MTMR14: variants seen among roughly 807,000 people sequenced by gnomAD.
MTMR14 encodes myotubularin related protein 14, also known as phosphatidylinositol-3,5-bisphosphate 3-phosphatase MTMR14.
Under a neutral mutation model 86.3 loss-of-function variants are expected in MTMR14, and 48 were observed. The ratio of observed to expected loss-of-function variants is 0.56; its 90% CI spans 0.44 to 0.71. The LOEUF (loss-of-function observed/expected upper bound fraction) is 0.71. Ranked by LOEUF, MTMR14 falls within the 30% of genes least tolerant of loss-of-function variation. MTMR14 has a pLI of 0.00. For synonymous variants in MTMR14, 366 were observed against 326.1 expected (o/e 1.12, Z -1.32); for missense variants, 780 against 834.6 (o/e 0.93, Z 0.81).
chr3:9,678,101 G>A (rs1267906990), intron 9 of MTMR14, 43 bp downstream of exon 9: 1 of 1,602,424 alleles, frequency 6.2e-7, no homozygotes, highest in Non-Finnish European at 8.5e-7. Flanking sequence ...ATAAGGGAGT[G>A]GTGACCAAGG....
chr3:9,653,359 C>G (rs929363696), intron 1 of MTMR14, among the ~76,000 whole-genome samples: 2 of 152,182 alleles, frequency 1.3e-5, no homozygotes, highest in Non-Finnish European at 2.9e-5. Flanking sequence ...CTAATGAAAG[C>G]TGTAATCGTC....
chr3:9,685,096 C>G, intron 12 of MTMR14, 115 bp from the exon 13 acceptor site: 1 of 1,512,386 alleles, frequency 6.6e-7, no homozygotes. Flanking sequence ...AGCTGCTGAT[C>G]AGGCCCCACC....
At chr3:9,693,451 A>G (rs2076194988) in intron 17 of MTMR14, among the ~76,000 whole-genome samples, 1 of 152,272 alleles carries the variant, frequency 6.6e-6, no homozygotes, top group Non-Finnish European at 1.5e-5. Context: ...AGCTACAGAT[A>G]GCCTGCTGTT....
chr3:9,665,276 T>C (rs558460809), intron 3 of MTMR14, among the ~76,000 whole-genome samples: 4 of 132,824 alleles, frequency 3.0e-5, no homozygotes, highest in Admixed American at 2.4e-4. Context: ...TGTGAGACTG[T>C]CTCAAAAAAA....
At position 9,677,283 on chromosome 3, in the gene MTMR14, A is replaced by C. The variant is rs73811563; in HGVS notation, c.752-34A>C. ...TGTCTCAGAAGACTTTGGGCTGGGA[A>C]GGGAGATGTCATAACTCTGCCCTTC... On this transcript the variant is annotated intron_variant, in intron 7 of 18. Coordinates refer to ENST00000296003, the MANE Select transcript of MTMR14 (RefSeq NM_001077525.3). The surrounding 1 kb of genome is among the most constrained non-coding windows in gnomAD (Gnocchi z 4.2). The C allele has an allele frequency of 7.4e-3, 11,835 of 1,603,102 alleles. 546 individuals carry two copies. The African/African-American group carries it at 0.11, about 15-fold the overall frequency.
chr3:9,687,762 C>G (rs2076008301), intron 13 of MTMR14, 59 bp from the exon 14 acceptor site: 3 of 1,474,278 alleles, frequency 2.0e-6, no homozygotes, highest in Non-Finnish European at 2.8e-6. Context: ...GCCGCCCTCC[C>G]CTGGGAGTTC....
intron 16 of MTMR14, among the ~76,000 whole-genome samples, chr3:9,689,445 G>A (rs1363595373): frequency 6.6e-6 from 1 of 152,198 alleles, no homozygotes; most frequent in Admixed American, 6.5e-5. Flanking sequence ...GTAAGTTGAT[G>A]GGGAATTGGG....
Position 9,684,615 on chromosome 3 carries a change from C to T in MTMR14, c.995C>T (p.Ser332Leu). Residue 332 changes from serine (S) to leucine (L), a missense_variant, in exon 11 of 19, where the codon TCA (serine) becomes TTA (leucine). Coordinates refer to ENST00000296003, the MANE Select transcript of MTMR14 (RefSeq NM_001077525.3). ...AGCGGGCTGCTGGTACACTGTATCT[C>T]AGGCTGGGATCGGACCCCCCTCTTC... ...DDSGLLVHCI[S>L]GWDRTPLFIS... 6.2e-7 allele frequency: 1 copy of T among 1,614,180 alleles called. No homozygotes were observed. The highest frequency in any genetic ancestry group is 1.1e-5 in the South Asian group (1 of 91,082).
Position 9,655,228 on chromosome 3 carries a change from G to A in MTMR14, c.308+1459G>A, listed in dbSNP as rs137951848. On this transcript the variant is annotated intron_variant, in intron 2 of 18. Transcript: ENST00000296003. The stretch of plus-strand genomic sequence containing the variant: ...CTAAAATTACAAAAACTAGCTGGGC[G>A]TGGTGGTGGGCTCCTGTAATCCCAG... Among the ~76,000 whole-genome samples, 800 of 151,928 alleles carry A rather than the reference G, an allele frequency of 5.3e-3. 10 individuals carry two copies. The highest frequency in any genetic ancestry group is 0.018 in the African/African-American group (763 of 41,440).
chr3:9,658,248 GAATAGACTGAATAAAA>G (rs1448974770), intron 2 of MTMR14, among the ~76,000 whole-genome samples: 4 of 152,146 alleles, frequency 2.6e-5, no homozygotes, highest in African/African-American at 9.7e-5. Context: ...GAATTAAACT[GAATAGACTGAATAAAA>G]AATAGACTGA....
intron 3 of MTMR14, among the ~76,000 whole-genome samples, chr3:9,667,099 G>A (rs1449971805): frequency 6.6e-6 from 1 of 152,204 alleles, no homozygotes; most frequent in South Asian, 2.1e-4. Context: ...ACAGAAAAAG[G>A]GTCTCAGAAC....
intron 1 of MTMR14, among the ~76,000 whole-genome samples, chr3:9,651,949 A>C (rs1184638324): frequency 3.3e-5 from 5 of 151,624 alleles, no homozygotes; most frequent in African/African-American, 9.7e-5. Flanking sequence ...CTCCTGCTTC[A>C]GCCTCCCCAG....
chr3:9,677,414 G>A lies in MTMR14; in HGVS notation c.822+27G>A, dbSNP rs2075619256. Reference sequence around the variant, plus strand: ...TATGAGCAATAACATACATCAAATTGGATCTATGTCTCTTTGTAAAGGGAG... The same window carrying A: ...TATGAGCAATAACATACATCAAATTAGATCTATGTCTCTTTGTAAAGGGAG... On this transcript the variant is annotated intron_variant, in intron 8 of 18. Coordinates refer to ENST00000296003, the MANE Select transcript of MTMR14 (RefSeq NM_001077525.3). This position sits in a 1 kb window ranked among gnomAD's most constrained non-coding sequence, Gnocchi z 4.2. The A allele has an allele frequency of 6.3e-7, 1 of 1,592,648 alleles. No individual in the cohort carries two copies.
At chr3:9,682,895 G>A (rs2075812956) in intron 9 of MTMR14, among the ~76,000 whole-genome samples, 1 of 151,692 alleles carries the variant, frequency 6.6e-6, no homozygotes, top group African/African-American at 2.4e-5. Context: ...CCTGGCCTCA[G>A]CATCCGTTTC....
intron 3 of MTMR14, among the ~76,000 whole-genome samples, chr3:9,666,292 C>T (rs1011937989): frequency 4.6e-5 from 7 of 152,076 alleles, no homozygotes; most frequent in African/African-American, 1.7e-4. Context: ...TGCCTCCACA[C>T]CTGGCTAATT....
At chr3:9,684,241 C>T (rs933463448) in intron 10 of MTMR14, among the ~76,000 whole-genome samples, 1 of 152,124 alleles carries the variant, frequency 6.6e-6, no homozygotes, top group East Asian at 1.9e-4. Flanking sequence ...TTGCCCACTC[C>T]CGCTACCCCC....
rs750576346 is a variant in MTMR14, at chr3:9,669,484, T to A, written c.546T>A (p.Cys182Ter). Residue 182 changes from cysteine (C) to a stop codon, truncating the protein, a stop_gained, in exon 5 of 19, where the codon TGT (cysteine) becomes TGA (stop). Coordinates refer to ENST00000296003, the MANE Select transcript of MTMR14 (RefSeq NM_001077525.3). LOFTEE classifies it high-confidence loss of function. ...TGGAGGACGTCACGGAGGAGGACTGTGCTCTTCGGTCAGTGCTGGGTTGCT... is the reference window on the plus strand; with the variant it reads ...TGGAGGACGTCACGGAGGAGGACTGAGCTCTTCGGTCAGTGCTGGGTTGCT... The part of the protein sequence containing the change: ...ADVEDVTEED[C>*]ALRSGDTHLF... 2.5e-6 allele frequency: 4 copies of A among 1,613,516 alleles called. No individual in the cohort carries two copies. Among genetic ancestry groups the A allele is most frequent in the Non-Finnish European group, 8.5e-7 (1 of 1,179,612 alleles).
intron 3 of MTMR14, among the ~76,000 whole-genome samples, chr3:9,664,920 T>C (rs2048161107): frequency 6.6e-6 from 1 of 152,206 alleles, no homozygotes; most frequent in Non-Finnish European, 1.5e-5. Context: ...GTTTGTAACA[T>C]AGAGGATAAA....
chr3:9,685,922 G>A (rs569058802), intron 13 of MTMR14, among the ~76,000 whole-genome samples: 1 of 152,282 alleles, frequency 6.6e-6, no homozygotes, highest in South Asian at 2.1e-4. Flanking sequence ...GACCTTGGGT[G>A]GTCTGCTTCA....
Sources: gnomAD v4.1 joint callset for allele counts (sites outside exome capture counted in the v4.1 genomes callset) on GRCh38, gnomAD v4.1.1 for gene constraint, Gnocchi (gnomAD v3.1) non-coding constraint, MANE v1.5 for transcripts, NCBI Gene and HGNC (gene_info 2026-07-23, HGNC 2026-07-21) for gene names.